Variants in BIRC6 observed in about 807,000 individuals in gnomAD.
BIRC6 encodes the protein dual E2 ubiquitin-conjugating enzyme/E3 ubiquitin-protein ligase BIRC6.
Under a neutral mutation model 503.3 loss-of-function variants are expected in BIRC6, and 98 were observed. That is an observed-to-expected ratio of 0.19 (90% CI 0.17 to 0.23). The LOEUF is 0.23. Ranked by LOEUF, BIRC6 falls within the 10% of genes least tolerant of loss-of-function variation. BIRC6 has a pLI of 1.00. For missense variants in BIRC6, 5,360 were observed against 5,806.0 expected, an observed-to-expected ratio of 0.92 and a Z score of 2.50; for synonymous variants, 2,240 against 2,078.7, an observed-to-expected ratio of 1.08 and a Z score of -2.11.
At chr2:32,604,632 A>G (rs182882260) in intron 71 of BIRC6, among the ~76,000 whole-genome samples, 1 of 152,324 alleles carries the variant, frequency 6.6e-6, no homozygotes, top group African/African-American at 2.4e-5. Flanking sequence ...TACAAACTTT[A>G]TATTTTTCTC....
chr2:32,542,201 C>T (rs550351412), intron 61 of BIRC6, among the ~76,000 whole-genome samples: 166 of 152,130 alleles, frequency 1.1e-3, no homozygotes, highest in African/African-American at 3.8e-3. Context: ...CAGACTCCCC[C>T]TAGTGATATA....
intron 33 of BIRC6, among the ~76,000 whole-genome samples, chr2:32,475,574 C>G (rs1422641440): frequency 6.6e-6 from 1 of 152,140 alleles, no homozygotes; most frequent in Non-Finnish European, 1.5e-5. Context: ...CGTACACAGA[C>G]AAACACAAAT....
intron 65 of BIRC6, among the ~76,000 whole-genome samples, chr2:32,555,571 C>G (rs920516422): frequency 6.6e-6 from 1 of 151,718 alleles, no homozygotes; most frequent in Non-Finnish European, 1.5e-5. Flanking sequence ...CCCCAGAGGC[C>G]GAGGTTGCAG....
intron 61 of BIRC6, among the ~76,000 whole-genome samples, chr2:32,533,330 G>A (rs191409540): frequency 2.6e-5 from 4 of 152,334 alleles, no homozygotes; most frequent in African/African-American, 9.6e-5. Flanking sequence ...AACATGTAAT[G>A]AACTTGGATG....
At chr2:32,539,798 A>T (rs1167709627) in intron 61 of BIRC6, among the ~76,000 whole-genome samples, 1 of 152,142 alleles carries the variant, frequency 6.6e-6, no homozygotes, top group African/African-American at 2.4e-5. Flanking sequence ...GAATTACTAC[A>T]GTAAGAGCCA....
intron 1 of BIRC6, among the ~76,000 whole-genome samples, chr2:32,361,670 A>G (rs1021254609): frequency 1.3e-5 from 2 of 151,912 alleles, no homozygotes; most frequent in Non-Finnish European, 2.9e-5. Flanking sequence ...TGCTCTGCCT[A>G]TTCATCCTTC....
intron 1 of BIRC6, among the ~76,000 whole-genome samples, chr2:32,369,428 ATT>A (rs554684813): frequency 9.3e-5 from 13 of 139,588 alleles, no homozygotes; most frequent in Non-Finnish European, 9.5e-5. Context: ...GTAGCAATTG[ATT>A]TTTTTTTTTT....
chr2:32,396,613 A>G (rs971865614), intron 6 of BIRC6, among the ~76,000 whole-genome samples: 1 of 152,234 alleles, frequency 6.6e-6, no homozygotes, highest in Non-Finnish European at 1.5e-5. Flanking sequence ...AGCAGATAGT[A>G]CTGAACCATA....
intron 49 of BIRC6, 140 bp from the exon 50 acceptor site, chr2:32,504,865 A>C (rs752749029): frequency 2.7e-6 from 2 of 747,620 alleles, no homozygotes; most frequent in Non-Finnish European, 4.3e-6. Flanking sequence ...GGTCATGCTT[A>C]GGATACTAAG....
intron 23 of BIRC6, among the ~76,000 whole-genome samples, chr2:32,455,673 A>G (rs2047185600): frequency 6.6e-6 from 1 of 152,218 alleles, no homozygotes; most frequent in Non-Finnish European, 1.5e-5. Flanking sequence ...TTTATTTTAC[A>G]AAAATTCATG....
chr2:32,378,298 C>CA (rs2037119383), intron 2 of BIRC6, among the ~76,000 whole-genome samples: 2 of 152,064 alleles, frequency 1.3e-5, no homozygotes, highest in African/African-American at 4.8e-5. Flanking sequence ...TTTCACAACT[C>CA]AAATACTCTC....
chr2:32,593,709 A>G (rs1295366558), intron 66 of BIRC6, among the ~76,000 whole-genome samples: 2 of 152,180 alleles, frequency 1.3e-5, no homozygotes, highest in African/African-American at 4.8e-5. Flanking sequence ...TGACATTTAT[A>G]TAATGTCTGT....
chr2:32,547,825 G>T, intron 63 of BIRC6, 25 bp from the exon 64 acceptor site: 1 of 1,515,630 alleles, frequency 6.6e-7, no homozygotes, highest in South Asian at 1.3e-5. Flanking sequence ...AATTGTAATG[G>T]ATTTTCATTT....
chr2:32,429,665 T>C (rs1222482952), intron 11 of BIRC6, among the ~76,000 whole-genome samples: 1 of 152,150 alleles, frequency 6.6e-6, no homozygotes, highest in Non-Finnish European at 1.5e-5. Context: ...AATCTCTCGA[T>C]AGGTTTGTTT....
At chr2:32,513,491 T>C (rs2054650926) in intron 54 of BIRC6, among the ~76,000 whole-genome samples, 1 of 152,148 alleles carries the variant, frequency 6.6e-6, no homozygotes, top group Non-Finnish European at 1.5e-5. Flanking sequence ...TAGACAACTT[T>C]GGGGGTGGGC....
chr2:32,444,435 T>A (rs1229742982), intron 20 of BIRC6, among the ~76,000 whole-genome samples: 1 of 152,200 alleles, frequency 6.6e-6, no homozygotes, highest in African/African-American at 2.4e-5. Flanking sequence ...CATAAAGCAG[T>A]TCTCTAAAAT....
At chr2:32,419,326 T>C (rs1166757263) in intron 10 of BIRC6, among the ~76,000 whole-genome samples, 1 of 152,182 alleles carries the variant, frequency 6.6e-6, no homozygotes, top group Non-Finnish European at 1.5e-5. Context: ...AATAAATCTA[T>C]AGTTAATATA....
chr2:32,465,452 A>G (rs575233573), intron 26 of BIRC6, among the ~76,000 whole-genome samples: 1 of 152,160 alleles, frequency 6.6e-6, no homozygotes, highest in East Asian at 1.9e-4. Flanking sequence ...TCAAATCACC[A>G]TTATACTAGA....
chr2:32,518,281 C>A lies in BIRC6; in HGVS notation c.11377C>A (p.Pro3793Thr). 1 of 1,612,744 alleles carries A rather than the reference C, an allele frequency of 6.2e-7. No individual in the cohort carries two copies. The highest frequency in any genetic ancestry group is 1.7e-5 in the Admixed American group (1 of 59,928). Reference protein sequence around the residue: ...QVLCELFQTSPQRGNLPTSGN... With the variant: ...QVLCELFQTSTQRGNLPTSGN... ...TCTTTGTGAACTATTTCAGACATCTCCTCAAAGAGGGAACCTTCCAACATC... is the reference window on the plus strand; with the variant it reads ...TCTTTGTGAACTATTTCAGACATCTACTCAAAGAGGGAACCTTCCAACATC... The change falls in exon 56 of 74, where the codon CCT becomes ACT. Residue 3793 changes from proline to threonine, a missense_variant. Pro to Thr is a conservative substitution (Grantham distance 38, BLOSUM62 -1). This residue lies in a region of BIRC6 where 878 missense variants were observed against 928.9 expected (regional missense o/e 0.95). Transcript: ENST00000421745.
Sources: allele counts gnomAD v4.1 joint callset (sites outside exome capture counted in the v4.1 genomes callset), GRCh38; gene constraint gnomAD v4.1.1; regional missense constraint gnomAD v4.1.1; transcripts MANE v1.5; gene names NCBI Gene and HGNC (gene_info 2026-07-23, HGNC 2026-07-21).